CDS1: variants seen among roughly 807,000 people sequenced by gnomAD.
CDS1 encodes phosphatidate cytidylyltransferase 1.
A neutral mutation model predicts 62.1 loss-of-function variants in CDS1; 41 were observed. That is an observed-to-expected ratio of 0.66 (90% CI 0.51 to 0.86). The LOEUF is 0.86. CDS1 is among the 40% of genes least tolerant of loss of function. The pLI is 0.00. For missense variants in CDS1, 470 were observed against 550.1 expected, an observed-to-expected ratio of 0.85 and a Z score of 1.46; for synonymous variants, 185 against 192.6, an observed-to-expected ratio of 0.96 and a Z score of 0.32.
At chr4:84,619,885 A>C (rs1167397405) in intron 5 of CDS1, among the ~76,000 whole-genome samples, 3 of 151,918 alleles carry the variant, frequency 2.0e-5, no homozygotes, top group African/African-American at 7.3e-5. Context: ...ATACAGAATT[A>C]GACGGGCATA....
chr4:84,607,624 G>A (rs567706098), intron 2 of CDS1, among the ~76,000 whole-genome samples: 233 of 152,100 alleles, frequency 1.5e-3, no homozygotes, highest in African/African-American at 5.4e-3. Context: ...GGCTGGACAT[G>A]GTGGCTCACA....
chr4:84,595,370 G>T (rs1401221851), intron 1 of CDS1, among the ~76,000 whole-genome samples: 1 of 152,066 alleles, frequency 6.6e-6, no homozygotes, highest in East Asian at 1.9e-4. Context: ...AGCTGGGGGG[G>T]CTTGGGCTTT....
chr4:84,613,129 G>C (rs907305677), intron 3 of CDS1, among the ~76,000 whole-genome samples: 2 of 151,784 alleles, frequency 1.3e-5, no homozygotes, highest in Admixed American at 1.3e-4. Context: ...TGTGTTAAGA[G>C]AATATGGATG....
intron 5 of CDS1, among the ~76,000 whole-genome samples, chr4:84,628,491 T>G (rs1488414414): frequency 6.6e-6 from 1 of 152,142 alleles, no homozygotes; most frequent in Non-Finnish European, 1.5e-5. Flanking sequence ...TCCTTTACTT[T>G]TCCTGACCCC....
intron 5 of CDS1, among the ~76,000 whole-genome samples, chr4:84,627,399 T>C (rs1723894329): frequency 2.0e-5 from 3 of 152,062 alleles, no homozygotes; most frequent in Admixed American, 2.0e-4. Flanking sequence ...AGACTAAAAA[T>C]AATAAAACAA....
At chr4:84,598,679 C>T (rs1351200448) in intron 1 of CDS1, among the ~76,000 whole-genome samples, 1 of 152,020 alleles carries the variant, frequency 6.6e-6, no homozygotes, top group African/African-American at 2.4e-5. Context: ...TGCTATGTTG[C>T]CCAGGGTGGT....
At chr4:84,632,446 A>G (rs1036472422) in intron 6 of CDS1, among the ~76,000 whole-genome samples, 1 of 152,172 alleles carries the variant, frequency 6.6e-6, no homozygotes, top group Non-Finnish European at 1.5e-5. Flanking sequence ...GCAATGTAGT[A>G]TTCAGATCTG....
In CDS1 at chr4:84,648,983, G is replaced by A. The variant is rs957650878; in HGVS notation, c.*297G>A. 9.1e-5 allele frequency: 20 copies of A among 220,482 alleles called. No individual in the cohort carries two copies. The highest frequency in any genetic ancestry group is 1.6e-4 in the Non-Finnish European group (18 of 112,518). The allele number at this position is 220,482 out of a possible 1,614,324, so 13.7% of individuals were successfully genotyped here. On this transcript the variant is annotated 3_prime_UTR_variant, in exon 13 of 13. Coordinates refer to ENST00000295887, the MANE Select transcript of CDS1 (RefSeq NM_001263.4). ...ATTTAAAAGACTGGTATTTAAAAGAGTCAAACACTATAAAATGAGTAAGTT... is the reference window on the plus strand; with the variant it reads ...ATTTAAAAGACTGGTATTTAAAAGAATCAAACACTATAAAATGAGTAAGTT...
At chr4:84,607,229 G>A (rs955733122) in intron 2 of CDS1, among the ~76,000 whole-genome samples, 2 of 152,098 alleles carry the variant, frequency 1.3e-5, no homozygotes, top group Admixed American at 1.3e-4. Context: ...TTTGAAAAGA[G>A]TATTTGTTGG....
rs961338146 is a variant in CDS1, at chr4:84,583,937, C to G, written c.117+419C>G. Among the ~76,000 whole-genome samples, 2 of 152,176 alleles carry G rather than the reference C, an allele frequency of 1.3e-5. 1 individual carries two copies. Among genetic ancestry groups the G allele is most frequent in the Non-Finnish European group, 2.9e-5 (2 of 68,032 alleles). ...GTAAGGACTAGAGACGTGCCACCGT[C>G]GGCTGTATCATTTCATCGGATCCTG... is the stretch of plus-strand genomic sequence containing the variant. On this transcript the variant is annotated intron_variant, in intron 1 of 12. Transcript: ENST00000295887.
rs941135874 is a variant in CDS1, at chr4:84,650,818, A to G, written c.*2132A>G. The G allele has an allele frequency of 6.6e-6, 1 of 152,230 alleles. No homozygotes were observed. Among genetic ancestry groups the G allele is most frequent in the South Asian group, 2.1e-4 (1 of 4,834 alleles). 9.4% of individuals were successfully genotyped at this position (152,230 alleles called of 1,614,324 possible). ...GGAGCTCTCGATTGACCTTTTTAGC[A>G]TACTTTTATAGCATGTATATTAAAA... On this transcript the variant is annotated 3_prime_UTR_variant, in exon 13 of 13. Coordinates refer to ENST00000295887, the MANE Select transcript of CDS1 (RefSeq NM_001263.4).
At chr4:84,602,034 C>T (rs1431044236) in intron 1 of CDS1, among the ~76,000 whole-genome samples, 3 of 152,134 alleles carry the variant, frequency 2.0e-5, no homozygotes, top group African/African-American at 4.8e-5. Flanking sequence ...TATTATAGTA[C>T]TTCCTTCTTT....
chr4:84,616,664 G>T (rs923629761), intron 3 of CDS1, among the ~76,000 whole-genome samples: 3 of 152,166 alleles, frequency 2.0e-5, no homozygotes, highest in Admixed American at 1.3e-4. Context: ...AAGCTAGTCT[G>T]CTGTATTCAC....
chr4:84,633,895 T>G lies in CDS1; in HGVS notation c.678T>G (p.Thr226=). The change falls in exon 7 of 13, where the codon ACT becomes ACG. Residue 226 remains threonine (T), a synonymous_variant. Transcript: ENST00000295887. ...WTHVTLLITV[T]QSHLVIQNLF... ...ATGTCACTTTACTGATAACTGTCAC[T>G]CAGTCACACCTTGTCATCCAAAATC... The G allele has an allele frequency of 6.2e-7, 1 of 1,602,792 alleles. No homozygotes were observed. The highest frequency in any genetic ancestry group is 1.3e-5 in the African/African-American group (1 of 74,452).
chr4:84,634,281 G>A (rs1171957725), intron 7 of CDS1, among the ~76,000 whole-genome samples: 3 of 151,886 alleles, frequency 2.0e-5, no homozygotes, highest in African/African-American at 7.3e-5. Flanking sequence ...TACATAGAAT[G>A]CAAAAAAATA....
At chr4:84,601,492 T>TA (rs1722935453) in intron 1 of CDS1, among the ~76,000 whole-genome samples, 2 of 152,324 alleles carry the variant, frequency 1.3e-5, no homozygotes, top group African/African-American at 4.8e-5. Context: ...ATCATCCGTG[T>TA]ATGGGGTCCA....
chr4:84,598,126 C>CAA (rs879924741), intron 1 of CDS1, among the ~76,000 whole-genome samples: 3 of 82,982 alleles, frequency 3.6e-5, no homozygotes, highest in Admixed American at 1.4e-4. Context: ...ACTCCATCTC[C>CAA]AAAAAAAAAA....
Position 84,649,417 on chromosome 4 carries a change from C to A in CDS1, c.*731C>A, listed in dbSNP as rs1471448351. On this transcript the variant is annotated 3_prime_UTR_variant, in exon 13 of 13. Transcript: ENST00000295887. ...CAAGGAAGAATTCTGCTGTGAAGAA[C>A]ACAGTGTACGGATCCTCCGCATATT... is the stretch of plus-strand genomic sequence containing the variant. The A allele has an allele frequency of 6.6e-6, 1 of 152,276 alleles. No homozygotes were observed. The highest frequency in any genetic ancestry group is 2.1e-4 in the South Asian group (1 of 4,828). The allele number at this position is 152,276 out of a possible 1,614,324, so 9.4% of individuals were successfully genotyped here.
intron 5 of CDS1, among the ~76,000 whole-genome samples, chr4:84,629,752 G>A (rs140982048): frequency 6.1e-4 from 93 of 152,240 alleles, no homozygotes; most frequent in African/African-American, 2.0e-3. Flanking sequence ...TATCCCATAG[G>A]TGAAATTGGA....
Sources: allele counts gnomAD v4.1 joint callset (sites outside exome capture counted in the v4.1 genomes callset), GRCh38; gene constraint gnomAD v4.1.1; transcripts MANE v1.5; gene names NCBI Gene and HGNC (gene_info 2026-07-23, HGNC 2026-07-21).